Variants in GRIN2A observed in about 807,000 individuals in gnomAD.
The protein encoded by GRIN2A is glutamate receptor ionotropic, NMDA 2A.
GRIN2A carries 22 observed loss-of-function variants against 113.4 expected under a neutral mutation model. That is an observed-to-expected ratio of 0.19 (90% CI 0.14 to 0.28). The LOEUF (loss-of-function observed/expected upper bound fraction) is 0.28. GRIN2A is among the 10% of genes least tolerant of loss of function. GRIN2A has a pLI of 1.00. For synonymous variants in GRIN2A, 827 were observed against 738.4 expected, an observed-to-expected ratio of 1.12 and a Z score of -1.94; for missense variants, 1,502 against 1,887.0, an observed-to-expected ratio of 0.80 and a Z score of 3.78.
intron 2 of GRIN2A, among the ~76,000 whole-genome samples, chr16:10,090,493 G>A (rs1478805249): frequency 6.6e-6 from 1 of 152,014 alleles, no homozygotes; most frequent in African/African-American, 2.4e-5. Context: ...GTGAAAAAGT[G>A]AACTTAAATC....
intron 2 of GRIN2A, among the ~76,000 whole-genome samples, chr16:10,064,601 T>A (rs746503239): frequency 7.9e-5 from 12 of 152,322 alleles, no homozygotes; most frequent in Non-Finnish European, 1.5e-4. Context: ...CCTCACATTT[T>A]CCTCTAATGC....
chr16:9,997,562 A>C (rs1357981240), intron 2 of GRIN2A, among the ~76,000 whole-genome samples: 1 of 151,900 alleles, frequency 6.6e-6, no homozygotes, highest in Non-Finnish European at 1.5e-5. Context: ...CCTAATCTCA[A>C]CTCATCCCCA....
At chr16:9,970,802 TAG>T in intron 2 of GRIN2A, 2 of 778,166 alleles carry the variant, frequency 2.6e-6, no homozygotes, top group Non-Finnish European at 3.1e-6. Context: ...ATATCAAATA[TAG>T]TTCCTTCCCC....
chr16:9,941,440 A>T (rs2044872819), intron 2 of GRIN2A, among the ~76,000 whole-genome samples: 1 of 152,220 alleles, frequency 6.6e-6, no homozygotes, highest in South Asian at 2.1e-4. Flanking sequence ...GACAGCAGTT[A>T]ATTGGCCCAG....
At chr16:9,965,682 G>A (rs2045543507) in intron 2 of GRIN2A, among the ~76,000 whole-genome samples, 1 of 152,232 alleles carries the variant, frequency 6.6e-6, no homozygotes, top group Non-Finnish European at 1.5e-5. Context: ...TAAAATGTGT[G>A]GAATTAAGGA....
At chr16:9,791,205 G>A (rs998516104) in intron 11 of GRIN2A, among the ~76,000 whole-genome samples, 2 of 152,150 alleles carry the variant, frequency 1.3e-5, no homozygotes, top group Non-Finnish European at 2.9e-5. Context: ...AGGGTATCTA[G>A]CTTAGAGGTC....
At chr16:9,827,244 A>G (rs1197274864) in intron 9 of GRIN2A, among the ~76,000 whole-genome samples, 1 of 152,264 alleles carries the variant, frequency 6.6e-6, no homozygotes, top group Non-Finnish European at 1.5e-5. Context: ...ACAGGCAGAG[A>G]GGAAACACAA....
At chr16:10,010,471 A>G (rs1339605640) in intron 2 of GRIN2A, among the ~76,000 whole-genome samples, 1 of 152,204 alleles carries the variant, frequency 6.6e-6, no homozygotes, top group Non-Finnish European at 1.5e-5. Context: ...ACTTAATATA[A>G]AAGTTTTAAA....
At chr16:10,113,709 T>C (rs1390547157) in intron 2 of GRIN2A, among the ~76,000 whole-genome samples, 1 of 152,244 alleles carries the variant, frequency 6.6e-6, no homozygotes, top group East Asian at 1.9e-4. Flanking sequence ...TGTACTTGTA[T>C]AAATACAGAT....
intron 2 of GRIN2A, among the ~76,000 whole-genome samples, chr16:10,084,288 C>G (rs2048042592): frequency 6.6e-6 from 1 of 152,200 alleles, no homozygotes. Context: ...ATAGTCTCTG[C>G]CCTTTTTCCC....
intron 2 of GRIN2A, among the ~76,000 whole-genome samples, chr16:10,000,394 C>G (rs946856882): frequency 2.6e-5 from 4 of 152,020 alleles, no homozygotes; most frequent in African/African-American, 7.3e-5. Context: ...AAATAAGTAG[C>G]AGTCATGTCT....
intron 2 of GRIN2A, among the ~76,000 whole-genome samples, chr16:10,104,238 C>G (rs1473499437): frequency 6.6e-6 from 1 of 152,142 alleles, no homozygotes; most frequent in African/African-American, 2.4e-5. Context: ...GTTATTGAAC[C>G]TTTCAAGGTA....
chr16:10,043,250 T>C (rs1229385040), intron 2 of GRIN2A, among the ~76,000 whole-genome samples: 1 of 152,176 alleles, frequency 6.6e-6, no homozygotes, highest in East Asian at 1.9e-4. Flanking sequence ...AAGTAACTTT[T>C]CCTAGGTCAC....
intron 3 of GRIN2A, among the ~76,000 whole-genome samples, chr16:9,911,540 T>G (rs745872387): frequency 7.2e-5 from 11 of 152,192 alleles, no homozygotes; most frequent in Non-Finnish European, 1.5e-4. Context: ...AGGTTTGTCA[T>G]GAGTATAAAA....
intron 4 of GRIN2A, among the ~76,000 whole-genome samples, chr16:9,865,375 G>C (rs941698429): frequency 1.3e-5 from 2 of 151,490 alleles, no homozygotes; most frequent in Non-Finnish European, 2.9e-5. Flanking sequence ...TGGAGCCACT[G>C]GGAGAAATGA....
chr16:9,946,061 T>C (rs1025125720), intron 2 of GRIN2A, among the ~76,000 whole-genome samples: 1 of 152,154 alleles, frequency 6.6e-6, no homozygotes, highest in African/African-American at 2.4e-5. Context: ...CAATATACTG[T>C]ACATTAATTA....
At chr16:9,893,778 T>A (rs2043749531) in intron 3 of GRIN2A, among the ~76,000 whole-genome samples, 1 of 152,216 alleles carries the variant, frequency 6.6e-6, no homozygotes, top group Non-Finnish European at 1.5e-5. Flanking sequence ...AAGGATATTT[T>A]CTTGATTTAA....
intron 4 of GRIN2A, among the ~76,000 whole-genome samples, chr16:9,888,867 A>T (rs541652257): frequency 1.3e-5 from 2 of 152,128 alleles, no homozygotes; most frequent in African/African-American, 4.8e-5. Context: ...AAATGACCAT[A>T]TTTCCCCCTT....
At chr16:9,975,241 C>T (rs2045752608) in intron 2 of GRIN2A, among the ~76,000 whole-genome samples, 1 of 152,028 alleles carries the variant, frequency 6.6e-6, no homozygotes, top group South Asian at 2.1e-4. Context: ...CAAAGATGTC[C>T]ACACCTTTAA....
Sources: allele counts gnomAD v4.1 joint callset (sites outside exome capture counted in the v4.1 genomes callset), GRCh38; gene constraint gnomAD v4.1.1; transcripts MANE v1.5; gene names NCBI Gene and HGNC (gene_info 2026-07-23, HGNC 2026-07-21).